The following STOX2 variants were observed in gnomAD, a reference collection of about 807,000 sequenced individuals.
STOX2 encodes storkhead box 2, also known as storkhead-box protein 2.
In STOX2, 28 loss-of-function variants were observed where a neutral mutation model predicts 60.9. That is an observed-to-expected ratio of 0.46 (90% confidence interval 0.34 to 0.63). The LOEUF is 0.63. Ranked by LOEUF, STOX2 falls within the 30% of genes least tolerant of loss-of-function variation. The probability of loss-of-function intolerance (pLI) is 0.01; values close to 1 mark genes in which losing one functional copy is unlikely to be tolerated. For synonymous variants in STOX2, 472 were observed against 463.9 expected (o/e 1.02, Z -0.22); for missense variants, 1,024 against 1,187.7 (o/e 0.86, Z 2.03).
Position 183,867,834 on chromosome 4 carries a change from G to C in STOX2, c.364+69779G>C, listed in dbSNP as rs116873765. ...AAAGGTACCTCACAGCCCCAAGGGG[G>C]AAGCAGACAGGAATGCAATTCACTA... On this transcript the variant is annotated intron_variant, in intron 1 of 2. Coordinates refer to the STOX2 transcript ENST00000513034. 5.8e-4 allele frequency among the ~76,000 whole-genome samples: 89 copies of C among 152,356 alleles called. 2 individuals are homozygous for C. In the East Asian group the frequency reaches 0.011, roughly 18 times the overall value.
intron 1 of STOX2, among the ~76,000 whole-genome samples, chr4:183,926,873 C>T (rs1382977907): frequency 2.6e-5 from 4 of 152,182 alleles, no homozygotes; most frequent in African/African-American, 4.8e-5. Context: ...CTGCCCGCCT[C>T]GGCCTCCCAA....
intron 1 of STOX2, among the ~76,000 whole-genome samples, chr4:183,820,370 C>T (rs535968621): frequency 1.3e-5 from 2 of 152,290 alleles, no homozygotes; most frequent in South Asian, 4.1e-4. Context: ...ATGTCCCTTT[C>T]CTCTCCTATT....
At chr4:183,818,297 T>A (rs1739203228) in intron 1 of STOX2, among the ~76,000 whole-genome samples, 1 of 151,990 alleles carries the variant, frequency 6.6e-6, no homozygotes, top group Non-Finnish European at 1.5e-5. Context: ...TGGTGATGAC[T>A]CTTAACGAGC....
intron 1 of STOX2, among the ~76,000 whole-genome samples, chr4:183,946,175 T>C (rs1742880897): frequency 6.6e-6 from 1 of 152,008 alleles, no homozygotes; most frequent in African/African-American, 2.4e-5. Context: ...TTTAATAAAA[T>C]GGCAGGATAG....
At position 183,825,270 on chromosome 4, in the gene STOX2, A is replaced by G. The variant is rs572679529; in HGVS notation, c.364+27215A>G. On this transcript the variant is annotated intron_variant, in intron 1 of 2. Transcript: ENST00000513034. The surrounding 1 kb of genome is among the most constrained non-coding windows in gnomAD (Gnocchi z 4.1). ...TGAGCTAATTATGCATGAGGAGGAG[A>G]GGCTGTGGGCGAGGAAGGAAGGACG... Among the ~76,000 whole-genome samples, 2 of 152,060 alleles carry G rather than the reference A, an allele frequency of 1.3e-5. No homozygotes were observed. Among genetic ancestry groups the G allele is most frequent in the East Asian group, 3.9e-4 (2 of 5,156 alleles).
intron 1 of STOX2, among the ~76,000 whole-genome samples, chr4:183,866,560 C>T (rs1031206662): frequency 3.3e-5 from 5 of 152,092 alleles, no homozygotes; most frequent in African/African-American, 1.2e-4. Flanking sequence ...CTATATTCTC[C>T]CAGTTAGATG....
intron 1 of STOX2, among the ~76,000 whole-genome samples, chr4:183,807,620 C>T (rs920265757): frequency 3.3e-5 from 5 of 152,208 alleles, no homozygotes; most frequent in Non-Finnish European, 7.3e-5. Context: ...CCCACACCCA[C>T]CCCACTCCCA....
In STOX2 at chr4:183,806,981, T is replaced by G. The variant is rs200443771; in HGVS notation, c.364+8926T>G. Among the ~76,000 whole-genome samples, 3 of 696 alleles carry G rather than the reference T, an allele frequency of 4.3e-3. No homozygotes were observed. The highest frequency in any genetic ancestry group is 0.062 in the Admixed American group (2 of 32). The allele number at this position is 696 out of a possible 152,430, so 0.5% of individuals were successfully genotyped here. On this transcript the variant is annotated intron_variant, in intron 1 of 2. Coordinates refer to the STOX2 transcript ENST00000513034. This position sits in a 1 kb window ranked among gnomAD's most constrained non-coding sequence, Gnocchi z 4.1. ...TGCTTTCTGACACTTTCTTTTTTTC[T>G]TTTTTTTTTGAGACGGAGTCTTGCT... is the stretch of plus-strand genomic sequence containing the variant.
In STOX2 at chr4:183,815,797, G is replaced by A. The variant is rs562537196; in HGVS notation, c.364+17742G>A. 5.3e-5 allele frequency among the ~76,000 whole-genome samples: 8 copies of A among 152,368 alleles called. No individual in the cohort carries two copies. In the East Asian group the frequency reaches 1.2e-3, roughly 22 times the overall value. ...CGAACACTGCATGGGCAACAAATGC[G>A]ATACCTTAAATAAGGTATAAATGAT... On this transcript the variant is annotated intron_variant, in intron 1 of 2. Coordinates refer to the STOX2 transcript ENST00000513034.
chr4:183,827,852 G>C (rs1343155208), intron 1 of STOX2, among the ~76,000 whole-genome samples: 2 of 149,104 alleles, frequency 1.3e-5, no homozygotes, highest in African/African-American at 5.0e-5. Flanking sequence ...ATTCCAGCCT[G>C]GGTGACAGAA....
At position 183,915,049 on chromosome 4, in the gene STOX2, G is replaced by T. The variant is rs548708464; in HGVS notation, c.166+8093G>T. 2.0e-5 allele frequency among the ~76,000 whole-genome samples: 3 copies of T among 152,252 alleles called. No individual in the cohort carries two copies. The South Asian group carries it at 6.2e-4, about 32-fold the overall frequency. ...TATACCTATCCCGTTGAAAAATTAC[G>T]GCTTAGGTAACTCATACACACAGTC... On this transcript the variant is annotated intron_variant, in intron 1 of 3. Transcript: ENST00000308497.
At position 183,955,931 on chromosome 4, in the gene STOX2, G is replaced by T. The variant is rs12500390; in HGVS notation, c.167-45394G>T. On this transcript the variant is annotated intron_variant, in intron 1 of 3. Coordinates refer to ENST00000308497, the MANE Select transcript of STOX2 (RefSeq NM_020225.3). ...CAGTTTCCCTGGAAGAGTCTACCAGGCTCCAGAGTGTGACAGCAGTCCAGA... is the reference window on the plus strand; with the variant it reads ...CAGTTTCCCTGGAAGAGTCTACCAGTCTCCAGAGTGTGACAGCAGTCCAGA... Among the ~76,000 whole-genome samples, 542 of 151,592 alleles carry T rather than the reference G, an allele frequency of 3.6e-3. 16 individuals are homozygous for T. Among genetic ancestry groups the T allele is most frequent in the Admixed American group, 0.03 (456 of 15,204 alleles).
chr4:183,975,441 G>T (rs1732411137), intron 1 of STOX2, among the ~76,000 whole-genome samples: 1 of 152,142 alleles, frequency 6.6e-6, no homozygotes, highest in Non-Finnish European at 1.5e-5. Context: ...CCTCTAGCCA[G>T]ATTGACAAGG....
intron 1 of STOX2, among the ~76,000 whole-genome samples, chr4:183,941,473 C>G: frequency 6.6e-6 from 1 of 152,128 alleles, no homozygotes; most frequent in Admixed American, 6.5e-5. Context: ...GAGGCTGAGG[C>G]AGGAGAATCA....
chr4:183,909,022 G>C (rs1741703552), intron 1 of STOX2, among the ~76,000 whole-genome samples: 1 of 152,136 alleles, frequency 6.6e-6, no homozygotes, highest in African/African-American at 2.4e-5. Flanking sequence ...TATTTTAACT[G>C]TTAGCTAATA....
intron 1 of STOX2, among the ~76,000 whole-genome samples, chr4:183,860,091 T>TA (rs1431198385): frequency 2.6e-5 from 4 of 152,090 alleles, no homozygotes; most frequent in Non-Finnish European, 5.9e-5. Flanking sequence ...TCATATTCTT[T>TA]TTTTTTTACC....
At chr4:183,949,465 C>T (rs1025705059) in intron 1 of STOX2, among the ~76,000 whole-genome samples, 12 of 151,812 alleles carry the variant, frequency 7.9e-5, no homozygotes, top group African/African-American at 1.7e-4. Context: ...TTAGGGAGGC[C>T]GAGGTGGGCG....
At chr4:183,804,878 A>G (rs967652889) in intron 1 of STOX2, among the ~76,000 whole-genome samples, 4 of 152,224 alleles carry the variant, frequency 2.6e-5, no homozygotes, top group African/African-American at 9.6e-5. Context: ...TACTGCTTAT[A>G]GATTAATTAT....
At chr4:183,895,237 C>G (rs1056139183) in intron 1 of STOX2, among the ~76,000 whole-genome samples, 4 of 152,162 alleles carry the variant, frequency 2.6e-5, no homozygotes, top group African/African-American at 9.7e-5. Flanking sequence ...AATAAATTGT[C>G]AAGTCCTATA....
Sources: allele counts gnomAD v4.1 joint callset (sites outside exome capture counted in the v4.1 genomes callset), GRCh38; gene constraint gnomAD v4.1.1; non-coding constraint Gnocchi (gnomAD v3.1); transcripts MANE v1.5; gene names NCBI Gene and HGNC (gene_info 2026-07-23, HGNC 2026-07-21).